Variants in EP400 observed in about 807,000 individuals in gnomAD.
The protein encoded by EP400 is E1A-binding protein p400.
EP400 carries 105 observed loss-of-function variants against 354.1 expected under a neutral mutation model. That is an observed-to-expected ratio of 0.30 (90% CI 0.25 to 0.35). The LOEUF is 0.35. Among genes scored for constraint, EP400 ranks in the 10% least tolerant of loss-of-function variants. EP400 has a pLI of 1.00. For missense variants in EP400, 3,280 were observed against 4,121.0 expected, an observed-to-expected ratio of 0.80 and a Z score of 5.59; for synonymous variants, 1,646 against 1,716.9, an observed-to-expected ratio of 0.96 and a Z score of 1.02.
At chr12:131,959,735 T>C (rs1276836485) in intron 1 of EP400, among the ~76,000 whole-genome samples, 1 of 152,198 alleles carries the variant, frequency 6.6e-6, no homozygotes, top group Admixed American at 6.5e-5. Context: ...CTTCGTGTGT[T>C]CTTAGGGAGA....
intron 35 of EP400, 130 bp downstream of exon 35, chr12:132,044,441 C>G: frequency 7.5e-7 from 1 of 1,336,684 alleles, no homozygotes. Context: ...CTTCTCATAT[C>G]AACACAACCT....
At position 132,027,392 on chromosome 12, in the gene EP400, G is replaced by A; in HGVS notation, c.5015-45G>A. Reference sequence around the variant, plus strand: ...GCATGCTGGTGTCAGATGAAATCCTGTGAACTTGGCGTTCCTTTTCACCTC... The same window carrying A: ...GCATGCTGGTGTCAGATGAAATCCTATGAACTTGGCGTTCCTTTTCACCTC... On this transcript the variant is annotated intron_variant, in intron 25 of 52. Transcript: ENST00000389561. This position sits in a 1 kb window ranked among gnomAD's most constrained non-coding sequence, Gnocchi z 4.9. 6.3e-7 allele frequency: 1 copy of A among 1,597,940 alleles called. No individual in the cohort carries two copies. Among genetic ancestry groups the A allele is most frequent in the Non-Finnish European group, 8.6e-7 (1 of 1,165,738 alleles).
chr12:132,027,125 G>A lies in EP400; in HGVS notation c.5015-312G>A, dbSNP rs1237535013. ...CGATGGGGTACCCAGGGCCTCGGAG[G>A]TGTGCTGGGATGCTTCTGGGTGGCT... On this transcript the variant is annotated intron_variant, in intron 25 of 52. Coordinates refer to ENST00000389561, the MANE Select transcript of EP400 (RefSeq NM_015409.5). This position sits in a 1 kb window ranked among gnomAD's most constrained non-coding sequence, Gnocchi z 4.9. 6.6e-6 allele frequency among the ~76,000 whole-genome samples: 1 copy of A among 152,198 alleles called. No individual in the cohort carries two copies. Among genetic ancestry groups the A allele is most frequent in the Admixed American group, 6.5e-5 (1 of 15,282 alleles).
At chr12:131,977,997 A>G (rs1892541378) in intron 2 of EP400, among the ~76,000 whole-genome samples, 2 of 152,206 alleles carry the variant, frequency 1.3e-5, no homozygotes, top group Non-Finnish European at 2.9e-5. Flanking sequence ...GAGTGATTTA[A>G]GGAATAATTT....
intron 2 of EP400, among the ~76,000 whole-genome samples, chr12:131,972,858 A>G (rs1892344121): frequency 6.6e-6 from 1 of 150,416 alleles, no homozygotes; most frequent in Non-Finnish European, 1.5e-5. Context: ...CAGCTTCCTG[A>G]ATAGCTAAGA....
At chr12:131,954,239 CCAA>C (rs2136458943) in intron 1 of EP400, among the ~76,000 whole-genome samples, 1 of 151,096 alleles carries the variant, frequency 6.6e-6, no homozygotes, top group African/African-American at 2.4e-5. Context: ...AAAAAAAAAA[CCAA>C]CACATTTCAA....
intron 52 of EP400, 47 bp from the exon 53 acceptor site, chr12:132,077,354 G>A: frequency 6.3e-7 from 1 of 1,581,030 alleles, no homozygotes; most frequent in Non-Finnish European, 8.6e-7. Context: ...CCTGTCCCTG[G>A]ACTGAGTTTC....
rs777403317 is a variant in EP400 at position 132,066,777 on chromosome 12, C to T, written c.8557C>T (p.Arg2853Trp). Reference protein sequence around the residue: ...VANLQVARLTRVPTSQLQAQG... With the variant: ...VANLQVARLTWVPTSQLQAQG... ...TCCCATTATTTCTACTGTTTAGACC[C>T]GGGTTCCCACTTCTCAGCTGCAGGC... is the stretch of plus-strand genomic sequence containing the variant. Residue 2853 changes from arginine (R) to tryptophan (W), a missense_variant, in exon 49 of 53, where the codon CGG becomes TGG. Transcript: ENST00000389561. 4 of 1,613,676 alleles carry T rather than the reference C, an allele frequency of 2.5e-6. No homozygotes were observed. The highest frequency in any genetic ancestry group is 3.4e-6 in the Non-Finnish European group (4 of 1,179,812).
intron 2 of EP400, among the ~76,000 whole-genome samples, chr12:131,975,450 C>T (rs1304527632): frequency 6.6e-6 from 1 of 152,206 alleles, no homozygotes; most frequent in Non-Finnish European, 1.5e-5. Flanking sequence ...CAGCGCTGCA[C>T]TGCACTGTCC....
chr12:132,000,800 GTTTGT>G (rs556969482), intron 12 of EP400, among the ~76,000 whole-genome samples: 62 of 152,284 alleles, frequency 4.1e-4, no homozygotes, highest in African/African-American at 1.4e-3. Flanking sequence ...CCAGTTACCA[GTTTGT>G]TTTAAGACAT....
At chr12:132,005,623 T>C (rs764521140) in intron 13 of EP400, among the ~76,000 whole-genome samples, 2 of 152,056 alleles carry the variant, frequency 1.3e-5, no homozygotes, top group Non-Finnish European at 2.9e-5. Context: ...TGCATGCGAG[T>C]TGGGGAGTGG....
intron 2 of EP400, among the ~76,000 whole-genome samples, chr12:131,975,934 C>G (rs1468462983): frequency 1.3e-5 from 2 of 152,132 alleles, no homozygotes; most frequent in Non-Finnish European, 2.9e-5. Flanking sequence ...CTCCTGACCT[C>G]AAGCAGTCCT....
Position 131,991,466 on chromosome 12 carries a change from G to C in EP400, c.2679+10G>C. On this transcript the variant is annotated intron_variant, in intron 10 of 52. Transcript: ENST00000389561. ...ACAGGAAAGTTCTCTGGTAAGTTTGGGGTTGTTACTGTGCTGTGTGAGAAG... is the reference window on the plus strand; with the variant it reads ...ACAGGAAAGTTCTCTGGTAAGTTTGCGGTTGTTACTGTGCTGTGTGAGAAG... The C allele has an allele frequency of 6.2e-7, 1 of 1,613,992 alleles. No homozygotes were observed. The highest frequency in any genetic ancestry group is 8.5e-7 in the Non-Finnish European group (1 of 1,179,902).
chr12:132,028,028 C>G lies in EP400; in HGVS notation c.5121C>G (p.Thr1707=). The change falls in exon 27 of 53, where the codon ACC becomes ACG. Residue 1707 remains threonine (T), a synonymous_variant. Coordinates refer to ENST00000389561, the MANE Select transcript of EP400 (RefSeq NM_015409.5). ...PIGGPTQEEK[T]RLLKERLDQI... ...ACTTTTTGATAAAGGAGGAAAAGAC[C>G]AGACTCTTGAAAGAGCGCCTGGATC... 6.2e-7 allele frequency: 1 copy of G among 1,612,856 alleles called. No homozygotes were observed. Among genetic ancestry groups the G allele is most frequent in the Non-Finnish European group, 8.5e-7 (1 of 1,178,920 alleles).
Position 132,077,569 on chromosome 12 carries a change from G to T in EP400, c.9268G>T (p.Ala3090Ser), listed in dbSNP as rs1350311716. The T allele has an allele frequency of 1.2e-6, 2 of 1,613,720 alleles. No homozygotes were observed. The highest frequency in any genetic ancestry group is 4.5e-5 in the East Asian group (2 of 44,902). ...PLQTPGAPNP[A>S]QVPASSDSPS... ...CCAGACTCCAGGCGCTCCCAACCCA[G>T]CCCAGGTGCCCGCCAGCTCCGACAG... The change falls in exon 53 of 53, where the codon GCC (alanine) becomes TCC (serine). Residue 3090 changes from alanine (A) to serine (S), a missense_variant. Coordinates refer to ENST00000389561, the MANE Select transcript of EP400 (RefSeq NM_015409.5).
At chr12:131,977,767 T>C (rs931331370) in intron 2 of EP400, among the ~76,000 whole-genome samples, 6 of 152,170 alleles carry the variant, frequency 3.9e-5, no homozygotes, top group Admixed American at 6.6e-5. Context: ...AGTGCCTTCC[T>C]GCTACATATG....
chr12:132,040,152 T>C (rs1198456704), intron 32 of EP400, among the ~76,000 whole-genome samples: 1 of 151,862 alleles, frequency 6.6e-6, no homozygotes, highest in African/African-American at 2.4e-5. Flanking sequence ...GAAAATCAAA[T>C]AAAAACCACA....
At chr12:131,999,279 G>A (rs774655018) in intron 12 of EP400, among the ~76,000 whole-genome samples, 2 of 152,252 alleles carry the variant, frequency 1.3e-5, no homozygotes, top group African/African-American at 4.8e-5. Flanking sequence ...TTGGCCTGAC[G>A]TGTCCTACGG....
intron 32 of EP400, among the ~76,000 whole-genome samples, chr12:132,039,074 T>G (rs1894809386): frequency 6.6e-6 from 1 of 151,994 alleles, no homozygotes; most frequent in African/African-American, 2.4e-5. Context: ...ACACCCGAGA[T>G]TGAGCCTCCC....
Sources: allele counts gnomAD v4.1 joint callset (sites outside exome capture counted in the v4.1 genomes callset), GRCh38; gene constraint gnomAD v4.1.1; non-coding constraint Gnocchi (gnomAD v3.1); transcripts MANE v1.5; gene names NCBI Gene and HGNC (gene_info 2026-07-23, HGNC 2026-07-21).